ZFR: variants seen among roughly 807,000 people sequenced by gnomAD.
ZFR encodes the protein zinc finger RNA binding protein.
Under a neutral mutation model 130.7 loss-of-function variants are expected in ZFR, and 19 were observed. That is an observed-to-expected ratio of 0.15 (90% confidence interval 0.10 to 0.21). The LOEUF (loss-of-function observed/expected upper bound fraction) is 0.21. ZFR is among the 10% of genes least tolerant of loss of function. The pLI, the probability that ZFR is intolerant of heterozygous loss-of-function variation, is 1.00. For missense variants in ZFR, 872 were observed against 1,321.5 expected (o/e 0.66, Z 5.27); for synonymous variants, 466 against 456.9 (o/e 1.02, Z -0.25).
chr5:32,404,035 T>C lies in ZFR; in HGVS notation c.1095A>G (p.Ser365=). ...AACTGTTGCTGCTGCTGGTATTTTG[T>C]GAGGCTTTCAATGCAGCTTCTTTTT... ...HKKKEAALKA[S]QNTSSSNSST... Residue 365 remains serine (S), a synonymous_variant, in exon 7 of 20, where the codon TCA becomes TCG. Coordinates refer to ENST00000265069, the MANE Select transcript of ZFR (RefSeq NM_016107.5). 1 of 1,614,128 alleles carries C rather than the reference T, an allele frequency of 6.2e-7. No homozygotes were observed. Among genetic ancestry groups the C allele is most frequent in the Non-Finnish European group, 8.5e-7 (1 of 1,179,996 alleles).
At chr5:32,419,469 C>T (rs556469279) in intron 3 of ZFR, among the ~76,000 whole-genome samples, 1 of 152,214 alleles carries the variant, frequency 6.6e-6, no homozygotes, top group African/African-American at 2.4e-5. Context: ...TCCTGAGTAG[C>T]TGGGACTACA....
intron 17 of ZFR, among the ~76,000 whole-genome samples, chr5:32,368,026 A>G (rs149266969): frequency 2.2e-4 from 33 of 152,090 alleles, no homozygotes; most frequent in East Asian, 1.5e-3. Context: ...CTATGTTTCA[A>G]TAAGTATCTT....
chr5:32,432,339 G>A (rs1374349061), intron 2 of ZFR, among the ~76,000 whole-genome samples: 1 of 152,120 alleles, frequency 6.6e-6, no homozygotes, highest in East Asian at 1.9e-4. Flanking sequence ...TATAATGTAG[G>A]TAATAGCTCA....
At chr5:32,395,813 CTTACT>C (rs1307841776) in intron 10 of ZFR, among the ~76,000 whole-genome samples, 3 of 147,118 alleles carry the variant, frequency 2.0e-5, no homozygotes, top group African/African-American at 7.3e-5. Flanking sequence ...TCTTCTCTAG[CTTACT>C]TTATTCTAAG....
intron 2 of ZFR, among the ~76,000 whole-genome samples, chr5:32,420,382 AG>A (rs1210549896): frequency 2.0e-5 from 3 of 152,160 alleles, no homozygotes; most frequent in African/African-American, 7.2e-5. Flanking sequence ...ATCACATAAC[AG>A]GAATTAAAAA....
At chr5:32,435,829 C>T (rs1239722966) in intron 2 of ZFR, among the ~76,000 whole-genome samples, 1 of 152,142 alleles carries the variant, frequency 6.6e-6, no homozygotes, top group African/African-American at 2.4e-5. Flanking sequence ...ATACTTTAAG[C>T]CCATGTGACC....
chr5:32,411,416 C>T (rs534030852), intron 5 of ZFR, among the ~76,000 whole-genome samples: 43 of 152,044 alleles, frequency 2.8e-4, no homozygotes, highest in Non-Finnish European at 5.0e-4. Flanking sequence ...GAGGCAGGTG[C>T]GGTGGCTCAT....
intron 2 of ZFR, among the ~76,000 whole-genome samples, chr5:32,424,662 A>T (rs1754032123): frequency 6.6e-6 from 1 of 152,200 alleles, no homozygotes; most frequent in African/African-American, 2.4e-5. Flanking sequence ...AAGAGGAAAA[A>T]ATCCATTTGA....
chr5:32,409,106 G>C (rs1399077477), intron 5 of ZFR, among the ~76,000 whole-genome samples: 1 of 152,122 alleles, frequency 6.6e-6, no homozygotes, highest in Non-Finnish European at 1.5e-5. Flanking sequence ...GTGCTTTTCT[G>C]TCAACTAGGA....
At position 32,403,401 on chromosome 5, in the gene ZFR, T is replaced by C. The variant is rs199844679; in HGVS notation, c.1225-4A>G. 7 of 1,607,810 alleles carry C rather than the reference T, an allele frequency of 4.4e-6. No individual in the cohort carries two copies. In the African/African-American group the frequency reaches 9.3e-5, roughly 21 times the overall value. On this transcript the variant is annotated splice_polypyrimidine_tract_variant and splice_region_variant and intron_variant, in intron 7 of 19. Coordinates refer to ENST00000265069, the MANE Select transcript of ZFR (RefSeq NM_016107.5). ...GTTTTGTGTGTAACTTAACCACCTATAAAACAAAAGCACACTTATTTGTCA... is the reference window on the plus strand; with the variant it reads ...GTTTTGTGTGTAACTTAACCACCTACAAAACAAAAGCACACTTATTTGTCA...
At position 32,411,714 on chromosome 5, in the gene ZFR, G is replaced by GCGGGGGA. The variant is rs1554073348; in HGVS notation, c.784+3254_784+3255insTCCCCCG. On this transcript the variant is annotated intron_variant, in intron 5 of 19. Transcript: ENST00000265069. ...AAAAAAAAAAAAAAAAATTGAGGGG[G>GCGGGGGA]GGCGGGGAATAGAAAATATAATACA... 1.3e-4 allele frequency among the ~76,000 whole-genome samples: 7 copies of GCGGGGGA among 54,612 alleles called. 2 individuals carry two copies. The highest frequency in any genetic ancestry group is 2.9e-4 in the African/African-American group (4 of 13,764). The allele number at this position is 54,612 out of a possible 152,430, so 35.8% of individuals were successfully genotyped here.
rs776409054 is a variant in ZFR, at chr5:32,400,088, T to C, written c.1632A>G (p.Thr544=). 2.5e-6 allele frequency: 4 copies of C among 1,613,604 alleles called. No individual in the cohort carries two copies. The East Asian group carries it at 8.9e-5, about 36-fold the overall frequency. Residue 544 remains threonine, a synonymous_variant, in exon 9 of 20, where the codon ACA becomes ACG. Coordinates refer to ENST00000265069, the MANE Select transcript of ZFR (RefSeq NM_016107.5). ...ATGCAGGTGTGACTGGTTCTGACAC[T>C]GTGTCTTGCTTTACTTCAGGAATCT... The part of the protein sequence containing the change: ...AVQIPEVKQD[T]VSEPVTPASL...
At chr5:32,404,171 A>C in intron 6 of ZFR, 74 bp from the exon 7 acceptor site, 1 of 1,338,278 alleles carries the variant, frequency 7.5e-7, no homozygotes, top group Non-Finnish European at 1.0e-6. Context: ...ATTCTCAAGA[A>C]ATCTCTAATA....
chr5:32,390,622 T>A (rs1178688906), intron 11 of ZFR, among the ~76,000 whole-genome samples, 185 bp from the exon 12 acceptor site: 1 of 152,124 alleles, frequency 6.6e-6, no homozygotes, highest in Non-Finnish European at 1.5e-5. Flanking sequence ...GAAAAGAGCA[T>A]GAAAAGCAGA....
At chr5:32,414,922 C>G (rs979102641) in intron 5 of ZFR, 47 bp downstream of exon 5, 1 of 1,518,922 alleles carries the variant, frequency 6.6e-7, no homozygotes, top group Admixed American at 1.8e-5. Context: ...TCTACTAAGT[C>G]TCTTCCTAAT....
intron 2 of ZFR, among the ~76,000 whole-genome samples, chr5:32,439,071 G>C (rs992200795): frequency 1.3e-5 from 2 of 152,138 alleles, no homozygotes; most frequent in African/African-American, 4.8e-5. Context: ...GGATATTCTG[G>C]CTCACCCTAC....
intron 15 of ZFR, among the ~76,000 whole-genome samples, chr5:32,381,647 C>A (rs1369084978): frequency 6.6e-6 from 1 of 152,106 alleles, no homozygotes; most frequent in African/African-American, 2.4e-5. Flanking sequence ...ATAACTTGTT[C>A]TTATTTTGAG....
Position 32,444,416 on chromosome 5 carries a change from G to A in ZFR, c.38-88C>T, listed in dbSNP as rs1330255131. The A allele has an allele frequency of 3.5e-6, 5 of 1,441,000 alleles. No homozygotes were observed. In the Admixed American group the frequency reaches 9.1e-5, roughly 26 times the overall value. The allele number at this position is 1,441,000 out of a possible 1,614,324, so 89.3% of individuals were successfully genotyped here. A position where few individuals can be genotyped will look rare whatever the true frequency, so the allele number is the denominator to read the frequency against. On this transcript the variant is annotated intron_variant, in intron 1 of 19. Coordinates refer to ENST00000265069, the MANE Select transcript of ZFR (RefSeq NM_016107.5). ...CCGAGGGAGGGCAGGGAGAGAAAGA[G>A]AGAGGCGCCGTGAGAGCAGCCCTGG...
At position 32,403,364 on chromosome 5, in the gene ZFR, T is replaced by C; in HGVS notation, c.1258A>G (p.Ile420Val). The change falls in exon 8 of 20, where the codon ATT becomes GTT. Residue 420 changes from isoleucine to valine, a missense_variant. Ile to Val is a conservative substitution (Grantham distance 29, BLOSUM62 3). Around this residue, in one of 7 missense-constraint regions of ZFR, gnomAD observed 21 missense variants for 54.4 expected, o/e 0.39. Coordinates refer to ENST00000265069, the MANE Select transcript of ZFR (RefSeq NM_016107.5). Reference protein sequence around the residue: ...VKLHTKLGKPIPSTEPNVVSQ... With the variant: ...VKLHTKLGKPVPSTEPNVVSQ... The stretch of plus-strand genomic sequence containing the variant: ...ACAACATTTGGTTCTGTTGATGGAA[T>C]GGGTTTACCAAGTTTTGTGTGTAAC... 1 of 1,614,120 alleles carries C rather than the reference T, an allele frequency of 6.2e-7. No individual in the cohort carries two copies.
Sources: gnomAD v4.1 joint callset for allele counts (sites outside exome capture counted in the v4.1 genomes callset) on GRCh38, gnomAD v4.1.1 for gene constraint, gnomAD v4.1.1 regional missense constraint, MANE v1.5 for transcripts, NCBI Gene and HGNC (gene_info 2026-07-23, HGNC 2026-07-21) for gene names.